The following MLLT1 variants were observed in gnomAD, a reference collection of about 807,000 sequenced individuals.
MLLT1 encodes the protein MLLT1 super elongation complex subunit.
In MLLT1, 11 loss-of-function variants were observed where a neutral mutation model predicts 55.1. That is an observed-to-expected ratio of 0.20 (90% CI 0.13 to 0.33). The LOEUF (loss-of-function observed/expected upper bound fraction) is 0.33, where lower values mean the gene tolerates loss of function less well. MLLT1 is among the 10% of genes least tolerant of loss of function. MLLT1 has a pLI of 1.00. For missense variants in MLLT1, 536 were observed against 760.6 expected (o/e 0.70, Z 3.47); for synonymous variants, 323 against 320.1 (o/e 1.01, Z -0.10).
chr19:6,244,595 AC>A (rs1600197186), intron 3 of MLLT1, among the ~76,000 whole-genome samples: 1 of 152,202 alleles, frequency 6.6e-6, no homozygotes, highest in South Asian at 2.1e-4. Context: ...AAAATAAAAA[AC>A]GTTTGCTAGA....
rs1295721817 is a variant in MLLT1 at position 6,265,060 on chromosome 19, A to AAC, written c.194-2751_194-2750insGT. Among the ~76,000 whole-genome samples the AAC allele has an allele frequency of 6.5e-5, 9 of 138,818 alleles. 1 individual carries two copies. Among genetic ancestry groups the AAC allele is most frequent in the African/African-American group, 2.5e-4 (9 of 36,070 alleles). The allele number at this position is 138,818 out of a possible 152,430, so 91.1% of individuals were successfully genotyped here. ...CAGCAAAAAAAAAACAAAAAAACAA[A>AAC]AAAACAAAAAAAAACATGATGTCAT... On this transcript the variant is annotated intron_variant, in intron 2 of 11. Coordinates refer to ENST00000252674, the MANE Select transcript of MLLT1 (RefSeq NM_005934.4).
intron 6 of MLLT1, among the ~76,000 whole-genome samples, chr19:6,220,964 C>T (rs1297998741): frequency 2.0e-5 from 3 of 152,200 alleles, no homozygotes; most frequent in East Asian, 1.9e-4. Flanking sequence ...ATGGGAGCAC[C>T]GGGCACTCAG....
At chr19:6,242,162 C>T (rs529800242) in intron 3 of MLLT1, among the ~76,000 whole-genome samples, 97 of 152,330 alleles carry the variant, frequency 6.4e-4, no homozygotes, top group African/African-American at 2.3e-3. Flanking sequence ...ACTGAGCGCA[C>T]GCAGGGGCAG....
rs1028333591 is a variant in MLLT1, at chr19:6,270,907, G to A, written c.13-148C>T. On this transcript the variant is annotated intron_variant, in intron 1 of 11. Transcript: ENST00000252674. The surrounding 1 kb of genome is among the most constrained non-coding windows in gnomAD (Gnocchi z 7.1). ...AGCAGCACACAGACGGCTTCCTATC[G>A]CGCCAGCACCTTGCCGCAGACGTCC... 1.3e-5 allele frequency: 10 copies of A among 741,570 alleles called. No homozygotes were observed. Among genetic ancestry groups the A allele is most frequent in the South Asian group, 7.9e-5 (4 of 50,670 alleles). 45.9% of individuals were successfully genotyped at this position (741,570 alleles called of 1,614,324 possible). A position where few individuals can be genotyped will look rare whatever the true frequency, so the allele number is the denominator to read the frequency against.
rs368721028 is a variant in MLLT1, at chr19:6,225,663, A to C, written c.546+1314T>G. Among the ~76,000 whole-genome samples, 10 of 152,248 alleles carry C rather than the reference A, an allele frequency of 6.6e-5. No individual in the cohort carries two copies. The East Asian group carries it at 1.9e-3, about 29-fold the overall frequency. On this transcript the variant is annotated intron_variant, in intron 5 of 11. Coordinates refer to ENST00000252674, the MANE Select transcript of MLLT1 (RefSeq NM_005934.4). The stretch of plus-strand genomic sequence containing the variant: ...CAGGGACGGAGAGGGTGGAGCCCAC[A>C]GGCCTCCTAAGCCTGGTGGATAAAC...
chr19:6,268,591 G>C (rs764491232), intron 2 of MLLT1, among the ~76,000 whole-genome samples: 1 of 152,198 alleles, frequency 6.6e-6, no homozygotes, highest in Non-Finnish European at 1.5e-5. Context: ...CCAGAGGCTG[G>C]AGTGCTCTAA....
intron 3 of MLLT1, among the ~76,000 whole-genome samples, chr19:6,239,726 TCATA>T (rs2091098014): frequency 1.3e-5 from 2 of 150,836 alleles, no homozygotes; most frequent in Admixed American, 1.3e-4. Flanking sequence ...ACCCCCACAC[TCATA>T]CACTCAGACT....
chr19:6,248,040 G>A (rs144042559), intron 3 of MLLT1, among the ~76,000 whole-genome samples: 77 of 152,226 alleles, frequency 5.1e-4, no homozygotes, highest in African/African-American at 1.3e-3. Context: ...ACAGGCGTGC[G>A]CCACCACGCC....
chr19:6,216,383 C>A, intron 8 of MLLT1, 22 bp downstream of exon 8: 1 of 1,570,846 alleles, frequency 6.4e-7, no homozygotes, highest in Non-Finnish European at 8.7e-7. Context: ...CCTCCGCCCC[C>A]TGGCTCCCAC....
At position 6,227,188 on chromosome 19, in the gene MLLT1, T is replaced by G; in HGVS notation, c.421-86A>C. 2 of 1,401,412 alleles carry G rather than the reference T, an allele frequency of 1.4e-6. No homozygotes were observed. The allele number at this position is 1,401,412 out of a possible 1,614,324, so 86.8% of individuals were successfully genotyped here. On this transcript the variant is annotated intron_variant, in intron 4 of 11. Transcript: ENST00000252674. This position sits in a 1 kb window ranked among gnomAD's most constrained non-coding sequence, Gnocchi z 5.1. ...CGGGCTGAAGGTGGTGGGGCTTCCCTCTGCAGGAGGGGAGAAGGGAGAGCC... is the reference window on the plus strand; with the variant it reads ...CGGGCTGAAGGTGGTGGGGCTTCCCGCTGCAGGAGGGGAGAAGGGAGAGCC...
chr19:6,268,019 G>A (rs561831005), intron 2 of MLLT1, among the ~76,000 whole-genome samples: 11 of 152,282 alleles, frequency 7.2e-5, no homozygotes, highest in African/African-American at 2.6e-4. Context: ...CTTGGGGTGG[G>A]GAGAGGGATG....
At chr19:6,253,175 G>T (rs2091232473) in intron 3 of MLLT1, among the ~76,000 whole-genome samples, 1 of 140,034 alleles carries the variant, frequency 7.1e-6, no homozygotes, top group Non-Finnish European at 1.5e-5. Flanking sequence ...TGAAGCAAGA[G>T]AATGGCATGA....
In MLLT1 at chr19:6,274,999, C is replaced by T. The variant is rs541553039; in HGVS notation, c.13-4240G>A. Among the ~76,000 whole-genome samples the T allele has an allele frequency of 1.3e-3, 193 of 152,370 alleles. 1 individual carries two copies. Among genetic ancestry groups the T allele is most frequent in the African/African-American group, 4.3e-3 (179 of 41,590 alleles). ...CCCGGGGCTTTCTCAACGCAGCGTGCGGTTCTCCCCAGGTGTGGGCTACAG... is the reference window on the plus strand; with the variant it reads ...CCCGGGGCTTTCTCAACGCAGCGTGTGGTTCTCCCCAGGTGTGGGCTACAG... On this transcript the variant is annotated intron_variant, in intron 1 of 11. Transcript: ENST00000252674.
At chr19:6,213,581 G>T (rs955840281) in intron 10 of MLLT1, 145 bp downstream of exon 10, 2 of 992,610 alleles carry the variant, frequency 2.0e-6, no homozygotes, top group Non-Finnish European at 3.1e-6. Flanking sequence ...AGGCCACACC[G>T]GGAGGGGAGG....
At chr19:6,243,219 C>T (rs1476295324) in intron 3 of MLLT1, among the ~76,000 whole-genome samples, 2 of 152,158 alleles carry the variant, frequency 1.3e-5, no homozygotes. Context: ...CCGAGCAGGG[C>T]CATGCATGTC....
chr19:6,263,722 G>A (rs1190731578), intron 2 of MLLT1, among the ~76,000 whole-genome samples: 1 of 152,204 alleles, frequency 6.6e-6, no homozygotes, highest in Non-Finnish European at 1.5e-5. Context: ...AGGCAGGAGG[G>A]AGGAGATTCA....
chr19:6,267,761 G>A (rs934311190), intron 2 of MLLT1, among the ~76,000 whole-genome samples: 31 of 152,170 alleles, frequency 2.0e-4, no homozygotes, highest in African/African-American at 7.5e-4. Flanking sequence ...TAATCGGGGA[G>A]CGAAGGTCTT....
chr19:6,266,603 T>TGCG lies in MLLT1; in HGVS notation c.193+3975_193+3976insCGC, dbSNP rs1600216678. ...TCCCGAGTAGCTGGGATTACAGGCA[T>TGCG]CCTCACTGCCCCTGGCTAACTTTTT... On this transcript the variant is annotated intron_variant, in intron 2 of 11. Transcript: ENST00000252674. Among the ~76,000 whole-genome samples, 3 of 151,860 alleles carry TGCG rather than the reference T, an allele frequency of 2.0e-5. No individual in the cohort carries two copies. The East Asian group carries it at 5.8e-4, about 30-fold the overall frequency.
In MLLT1 at chr19:6,222,739, C is replaced by A; in HGVS notation, c.547-55G>T. On this transcript the variant is annotated intron_variant, in intron 5 of 11. Coordinates refer to ENST00000252674, the MANE Select transcript of MLLT1 (RefSeq NM_005934.4). The surrounding 1 kb of genome is among the most constrained non-coding windows in gnomAD (Gnocchi z 4.1). ...GGAGAGACAAGGTCACGTGGCATTG[C>A]GGGGCGCCCTGCTCCGCCACCCCTG... 6.9e-7 allele frequency: 1 copy of A among 1,446,316 alleles called. No homozygotes were observed. The highest frequency in any genetic ancestry group is 2.4e-5 in the East Asian group (1 of 41,310). The allele number at this position is 1,446,316 out of a possible 1,614,324, so 89.6% of individuals were successfully genotyped here. A position where few individuals can be genotyped will look rare whatever the true frequency, so the allele number is the denominator to read the frequency against.
Sources: allele counts gnomAD v4.1 joint callset (sites outside exome capture counted in the v4.1 genomes callset), GRCh38; gene constraint gnomAD v4.1.1; non-coding constraint Gnocchi (gnomAD v3.1); transcripts MANE v1.5; gene names NCBI Gene and HGNC (gene_info 2026-07-23, HGNC 2026-07-21).